The following ATRNL1 variants were observed in gnomAD, a reference collection of about 807,000 sequenced individuals.
ATRNL1 encodes the protein attractin like 1.
ATRNL1 carries 95 observed loss-of-function variants against 182.7 expected under a neutral mutation model. The ratio of observed to expected loss-of-function variants is 0.52; its 90% CI spans 0.44 to 0.62. ATRNL1 has a LOEUF of 0.62. Ranked by LOEUF, ATRNL1 falls within the 20% of genes least tolerant of loss-of-function variation. The pLI, the probability that ATRNL1 is intolerant of heterozygous loss-of-function variation, is 0.00. For missense variants in ATRNL1, 1,471 were observed against 1,679.5 expected, an observed-to-expected ratio of 0.88 and a Z score of 2.17; for synonymous variants, 576 against 568.3, an observed-to-expected ratio of 1.01 and a Z score of -0.19.
chr10:115,136,624 A>G (rs545829262), intron 5 of ATRNL1, among the ~76,000 whole-genome samples: 3 of 152,256 alleles, frequency 2.0e-5, no homozygotes, highest in African/African-American at 7.2e-5. Flanking sequence ...ACCCCTGCCA[A>G]CCACTGATCT....
intron 13 of ATRNL1, among the ~76,000 whole-genome samples, chr10:115,274,262 T>C (rs1852004463): frequency 6.6e-6 from 1 of 152,162 alleles, no homozygotes; most frequent in South Asian, 2.1e-4. Context: ...TATTCTGAGA[T>C]CTACTTGGAA....
intron 21 of ATRNL1, among the ~76,000 whole-genome samples, chr10:115,428,888 A>G (rs1383384836): frequency 6.6e-6 from 1 of 152,100 alleles, no homozygotes. Flanking sequence ...TTGTATGATA[A>G]GCTTTTGCTT....
intron 27 of ATRNL1, among the ~76,000 whole-genome samples, chr10:115,820,991 G>T (rs1365425830): frequency 2.6e-5 from 4 of 151,976 alleles, no homozygotes; most frequent in African/African-American, 9.7e-5. Flanking sequence ...TCATGGTTTT[G>T]TAAGGGGCTC....
In ATRNL1 at chr10:115,352,118, G is replaced by C. The variant is rs150498737; in HGVS notation, c.3175+17699G>C. ...TATTGGGATATAGTTGCTTATCATAGTCTCTAATGATTCTTTGAATTCCTG... is the reference window on the plus strand; with the variant it reads ...TATTGGGATATAGTTGCTTATCATACTCTCTAATGATTCTTTGAATTCCTG... On this transcript the variant is annotated intron_variant, in intron 19 of 28. Transcript: ENST00000355044. 1.7e-3 allele frequency among the ~76,000 whole-genome samples: 264 copies of C among 152,150 alleles called. 2 individuals carry two copies. Among genetic ancestry groups the C allele is most frequent in the Middle Eastern group, 0.017 (5 of 294 alleles).
At chr10:115,242,529 T>A (rs1055170679) in intron 10 of ATRNL1, among the ~76,000 whole-genome samples, 1 of 151,972 alleles carries the variant, frequency 6.6e-6, no homozygotes, top group South Asian at 2.1e-4. Context: ...AAATAAAGTA[T>A]TATACCAATT....
At chr10:115,686,312 CA>C (rs1361751348) in intron 26 of ATRNL1, among the ~76,000 whole-genome samples, 1 of 151,938 alleles carries the variant, frequency 6.6e-6, no homozygotes, top group Non-Finnish European at 1.5e-5. Flanking sequence ...TTCCTTACAG[CA>C]AAAGACTCTG....
At chr10:115,280,422 T>G (rs1396938921) in intron 13 of ATRNL1, among the ~76,000 whole-genome samples, 2 of 152,198 alleles carry the variant, frequency 1.3e-5, no homozygotes, top group African/African-American at 4.8e-5. Flanking sequence ...GGACCATGGT[T>G]TCATGGTGAC....
Position 115,467,163 on chromosome 10 carries a change from T to C in ATRNL1, c.3418-11T>C, listed in dbSNP as rs1460824197. On this transcript the variant is annotated splice_polypyrimidine_tract_variant and intron_variant, in intron 22 of 28. Transcript: ENST00000355044. The stretch of plus-strand genomic sequence containing the variant: ...TTCGTTTTTTAACCTTAATATTTTC[T>C]TTTCTGGTAGTCGAACAAAAATCTG... 1.9e-6 allele frequency: 3 copies of C among 1,584,206 alleles called. No individual in the cohort carries two copies. Among genetic ancestry groups the C allele is most frequent in the Non-Finnish European group, 2.6e-6 (3 of 1,156,844 alleles).
chr10:115,702,975 A>G (rs1172338022), intron 26 of ATRNL1, among the ~76,000 whole-genome samples: 26 of 151,980 alleles, frequency 1.7e-4, no homozygotes, highest in Non-Finnish European at 7.4e-5. Context: ...GCAAGGCAAT[A>G]CTAAGCAAAA....
In ATRNL1 at chr10:115,928,508, G is replaced by A. The variant is rs193188444; in HGVS notation, c.4019-16150G>A. 1.8e-4 allele frequency among the ~76,000 whole-genome samples: 27 copies of A among 152,074 alleles called. No homozygotes were observed. The East Asian group carries it at 4.8e-3, about 27-fold the overall frequency. On this transcript the variant is annotated intron_variant, in intron 28 of 28. Coordinates refer to ENST00000355044, the MANE Select transcript of ATRNL1 (RefSeq NM_207303.4). ...AATGTAATTGTCTATAGTGAAGCTT[G>A]TATTAATTACCTTGTATGAAAATCT...
rs536565208 is a variant in ATRNL1 at position 115,739,922 on chromosome 10, C to T, written c.3903+12567C>T. Among the ~76,000 whole-genome samples the T allele has an allele frequency of 1.5e-3, 230 of 152,220 alleles. 9 individuals carry two copies. In the South Asian group the frequency reaches 0.046, roughly 31 times the overall value. ...TCAGTTACTAATTTAACTTGTATATCCTTTTTTCTGTTACACGCAGTAGGA... is the reference window on the plus strand; with the variant it reads ...TCAGTTACTAATTTAACTTGTATATTCTTTTTTCTGTTACACGCAGTAGGA... On this transcript the variant is annotated intron_variant, in intron 27 of 28. Coordinates refer to ENST00000355044, the MANE Select transcript of ATRNL1 (RefSeq NM_207303.4).
intron 26 of ATRNL1, among the ~76,000 whole-genome samples, chr10:115,664,797 A>G (rs1555039195): frequency 6.6e-6 from 1 of 151,986 alleles, no homozygotes. Flanking sequence ...ATTTTTAGGT[A>G]TTTCTTTTAA....
intron 20 of ATRNL1, 76 bp from the exon 21 acceptor site, chr10:115,426,174 C>G (rs1281942121): frequency 2.1e-5 from 25 of 1,182,010 alleles, no homozygotes; most frequent in Non-Finnish European, 2.4e-5. Flanking sequence ...AATATAAATA[C>G]TTTTTTGCTT....
intron 26 of ATRNL1, among the ~76,000 whole-genome samples, chr10:115,685,621 C>T (rs1946191488): frequency 6.6e-6 from 1 of 151,762 alleles, no homozygotes; most frequent in African/African-American, 2.4e-5. Flanking sequence ...ACCTCAAAGT[C>T]ATAGACAGTC....
chr10:115,892,479 C>G (rs1354224688), intron 28 of ATRNL1, among the ~76,000 whole-genome samples: 1 of 152,022 alleles, frequency 6.6e-6, no homozygotes, highest in Non-Finnish European at 1.5e-5. Context: ...TATGATACAC[C>G]ACTTTTTTGT....
intron 26 of ATRNL1, among the ~76,000 whole-genome samples, chr10:115,626,194 T>G (rs1350461168): frequency 6.6e-6 from 1 of 152,178 alleles, no homozygotes; most frequent in Admixed American, 6.5e-5. Flanking sequence ...AAAGAGAACT[T>G]AAAAACAATG....
intron 26 of ATRNL1, among the ~76,000 whole-genome samples, chr10:115,679,750 C>T (rs1448528051): frequency 1.3e-5 from 2 of 152,058 alleles, no homozygotes; most frequent in African/African-American, 4.8e-5. Context: ...TCAAAGTCTT[C>T]CTCAGCTATA....
intron 26 of ATRNL1, among the ~76,000 whole-genome samples, chr10:115,572,194 A>C (rs1371230850): frequency 6.6e-6 from 1 of 152,128 alleles, no homozygotes; most frequent in Non-Finnish European, 1.5e-5. Context: ...TTTACTATAT[A>C]TATAGTATTG....
intron 26 of ATRNL1, among the ~76,000 whole-genome samples, chr10:115,571,103 A>G (rs1274862733): frequency 2.6e-5 from 4 of 152,150 alleles, no homozygotes; most frequent in African/African-American, 4.8e-5. Context: ...ATTTTCCTCC[A>G]TATGGGCCTA....
Sources: gnomAD v4.1 joint callset for allele counts (sites outside exome capture counted in the v4.1 genomes callset) on GRCh38, gnomAD v4.1.1 for gene constraint, MANE v1.5 for transcripts, NCBI Gene and HGNC (gene_info 2026-07-23, HGNC 2026-07-21) for gene names.